Variants in CSGALNACT1 observed in about 807,000 individuals in gnomAD.
The protein encoded by CSGALNACT1 is chondroitin sulfate N-acetylgalactosaminyltransferase 1, also known as beta4GalNAcT-1.
CSGALNACT1 carries 52 observed loss-of-function variants against 51.0 expected under a neutral mutation model. The observed-to-expected ratio is 1.02, with a 90% CI of 0.82 to 1.29. CSGALNACT1 has a LOEUF of 1.29. CSGALNACT1 is among the 50% of genes most tolerant of loss of function. CSGALNACT1 has a pLI of 0.00. For synonymous variants in CSGALNACT1, 341 were observed against 254.4 expected (o/e 1.34, Z -3.24); for missense variants, 935 against 679.2 (o/e 1.38, Z -4.19).
intron 1 of CSGALNACT1, among the ~76,000 whole-genome samples, chr8:19,700,303 C>T (rs984350319): frequency 6.6e-6 from 1 of 151,958 alleles, no homozygotes; most frequent in Admixed American, 6.6e-5. Flanking sequence ...CACAGGTTTG[C>T]TTTCAACTTC....
At chr8:19,468,860 G>T (rs2067358282) in intron 4 of CSGALNACT1, among the ~76,000 whole-genome samples, 1 of 152,180 alleles carries the variant, frequency 6.6e-6, no homozygotes, top group Admixed American at 6.5e-5. Flanking sequence ...GTGGATGTGG[G>T]TCAGGTCAGC....
intron 3 of CSGALNACT1, among the ~76,000 whole-genome samples, chr8:19,549,477 G>A (rs139327625): frequency 6.6e-6 from 1 of 151,864 alleles, no homozygotes; most frequent in Non-Finnish European, 1.5e-5. Flanking sequence ...AAACAATTAG[G>A]TACTTTTTCC....
At chr8:19,442,435 C>T (rs1330667629) in intron 5 of CSGALNACT1, among the ~76,000 whole-genome samples, 1 of 152,000 alleles carries the variant, frequency 6.6e-6, no homozygotes, top group Non-Finnish European at 1.5e-5. Context: ...ATGGATGAAA[C>T]TGGAAACCAT....
At chr8:19,684,939 T>A (rs568087022), upstream of CSGALNACT1, among the ~76,000 whole-genome samples, 1 of 152,354 alleles carries the variant, frequency 6.6e-6, no homozygotes, top group South Asian at 2.1e-4. Flanking sequence ...CCACAAAACC[T>A]GGATCCATCC....
At chr8:19,499,470 AAAAC>A (rs1210984367) in intron 4 of CSGALNACT1, among the ~76,000 whole-genome samples, 2 of 152,232 alleles carry the variant, frequency 1.3e-5, no homozygotes, top group African/African-American at 4.8e-5. Flanking sequence ...ATAAATAATA[AAAAC>A]AAACAAATAA....
At chr8:19,653,936 A>G (rs2058046182) in intron 1 of CSGALNACT1, among the ~76,000 whole-genome samples, 1 of 152,130 alleles carries the variant, frequency 6.6e-6, no homozygotes, top group Non-Finnish European at 1.5e-5. Context: ...ACTGTCTGAC[A>G]TGCCTCCATT....
At chr8:19,498,132 T>G (rs949477269) in intron 4 of CSGALNACT1, among the ~76,000 whole-genome samples, 1 of 152,050 alleles carries the variant, frequency 6.6e-6, no homozygotes, top group African/African-American at 2.4e-5. Flanking sequence ...CTTTCTAAAT[T>G]AACTGAGACC....
chr8:19,589,039 A>G (rs1184079677), intron 3 of CSGALNACT1, among the ~76,000 whole-genome samples: 1 of 152,194 alleles, frequency 6.6e-6, no homozygotes, highest in African/African-American at 2.4e-5. Context: ...AGCCTATCCC[A>G]GGGTCACGGA....
chr8:19,420,385 A>G (rs2057723787), exon 7 of CSGALNACT1: 1 of 1,614,216 alleles, frequency 6.2e-7, no homozygotes, highest in Non-Finnish European at 8.5e-7. Flanking sequence ...TCAGATGTGA[A>G]GTAGATGTCC....
intron 3 of CSGALNACT1, among the ~76,000 whole-genome samples, chr8:19,549,264 A>AT (rs2087288806): frequency 6.6e-6 from 1 of 152,132 alleles, no homozygotes; most frequent in Non-Finnish European, 1.5e-5. Flanking sequence ...TAGTAACAAT[A>AT]ATACTATTTA....
Position 19,505,298 on chromosome 8 carries a change from C to G in CSGALNACT1, c.537G>C (p.Glu179Asp), listed in dbSNP as rs201311097. 1.9e-6 allele frequency: 3 copies of G among 1,614,194 alleles called. No individual in the cohort carries two copies. In the African/African-American group the frequency reaches 4.0e-5, roughly 22 times the overall value. The change falls in exon 4 of 10, where the codon GAG becomes GAC. Residue 179 changes from glutamate (E) to aspartate (D), a missense_variant. Physicochemically the swap from Glu to Asp is conservative, Grantham distance 45. Coordinates refer to ENST00000454498, the Ensembl canonical transcript of CSGALNACT1. ...AGGCTGATTCAATGGCTTCCACCAA[C>G]TCATCCCGCTTGTCCTTCCTCACAG...
chr8:19,699,902 G>A (rs1434335198), intron 1 of CSGALNACT1, among the ~76,000 whole-genome samples: 1 of 152,116 alleles, frequency 6.6e-6, no homozygotes, highest in Non-Finnish European at 1.5e-5. Context: ...CACGAAGTCA[G>A]GAGTTTGAGA....
intron 4 of CSGALNACT1, among the ~76,000 whole-genome samples, chr8:19,475,367 G>A (rs1222320776): frequency 6.6e-6 from 1 of 152,282 alleles, no homozygotes; most frequent in South Asian, 2.1e-4. Flanking sequence ...GGTCTGTTTG[G>A]ATCTTGGTTT....
intron 4 of CSGALNACT1, among the ~76,000 whole-genome samples, chr8:19,495,377 AG>A (rs2153973149): frequency 6.6e-6 from 1 of 152,302 alleles, no homozygotes; most frequent in East Asian, 1.9e-4. Flanking sequence ...GTTGTGGTGA[AG>A]TCCTCAGACC....
In CSGALNACT1 at chr8:19,411,938, C is replaced by A. The variant is rs541012630; in HGVS notation, c.1228-3244G>T. On this transcript the variant is annotated intron_variant, in intron 8 of 9. Transcript: ENST00000454498. ...CTCCGCCTCCTGGGTTCAAGCAATT[C>A]TCGTGCCTCAGCCTCCCGAGTAGCT... Among the ~76,000 whole-genome samples, 4 of 151,310 alleles carry A rather than the reference C, an allele frequency of 2.6e-5. No individual in the cohort carries two copies. The South Asian group carries it at 8.3e-4, about 31-fold the overall frequency.
intron 3 of CSGALNACT1, among the ~76,000 whole-genome samples, chr8:19,560,466 G>C (rs975662189): frequency 6.6e-6 from 1 of 152,102 alleles, no homozygotes; most frequent in Non-Finnish European, 1.5e-5. Flanking sequence ...CCACAGAGTA[G>C]GAAAGAGATC....
chr8:19,439,887 A>G (rs199516104), exon 6 of CSGALNACT1: 3 of 1,614,200 alleles, frequency 1.9e-6, no homozygotes, highest in Non-Finnish European at 2.5e-6. Flanking sequence ...CCCAAAGTAA[A>G]CAACAGTGAG....
chr8:19,420,428 C>T, exon 7 of CSGALNACT1: 1 of 1,614,210 alleles, frequency 6.2e-7, no homozygotes, highest in Non-Finnish European at 8.5e-7. Context: ...CGTTGCTTCC[C>T]TTCCAGAAGC....
chr8:19,563,221 G>A (rs1327778158), intron 3 of CSGALNACT1, among the ~76,000 whole-genome samples: 1 of 152,128 alleles, frequency 6.6e-6, no homozygotes, highest in African/African-American at 2.4e-5. Flanking sequence ...AGTGGGAGTT[G>A]AACAATGAGA....
Sources: gnomAD v4.1 joint callset for allele counts (sites outside exome capture counted in the v4.1 genomes callset) on GRCh38, gnomAD v4.1.1 for gene constraint, MANE v1.5 for transcripts, NCBI Gene and HGNC (gene_info 2026-07-23, HGNC 2026-07-21) for gene names.